COBLL1: variants seen among roughly 807,000 people sequenced by gnomAD.
COBLL1 encodes cordon-bleu WH2 repeat protein like 1.
A neutral mutation model predicts 94.8 loss-of-function variants in COBLL1; 50 were observed. That is an observed-to-expected ratio of 0.53 (90% CI 0.42 to 0.67). COBLL1 has a LOEUF of 0.67. Among genes scored for constraint, COBLL1 ranks in the 30% least tolerant of loss-of-function variants. COBLL1 has a pLI of 0.00. For synonymous variants in COBLL1, 448 were observed against 473.8 expected (o/e 0.95, Z 0.71); for missense variants, 1,362 against 1,348.7 (o/e 1.01, Z -0.15).
intron 13 of COBLL1, among the ~76,000 whole-genome samples, chr2:164,690,927 ATCC>A (rs1477040342): frequency 6.6e-6 from 1 of 152,198 alleles, no homozygotes; most frequent in African/African-American, 2.4e-5. Flanking sequence ...AAGGGCATTT[ATCC>A]TCCTCTAAAA....
chr2:164,722,323 T>G lies in COBLL1; in HGVS notation c.760-12A>C. On this transcript the variant is annotated splice_polypyrimidine_tract_variant and intron_variant, in intron 6 of 13. Transcript: ENST00000652658. ...GGGGCACTTGCAGTCTAGTAAAGAA[T>G]GACAAAGACAAAATCTAGTAATTTC... 2 of 1,600,498 alleles carry G rather than the reference T, an allele frequency of 1.2e-6. No individual in the cohort carries two copies. Among genetic ancestry groups the G allele is most frequent in the South Asian group, 1.1e-5 (1 of 89,648 alleles).
chr2:164,816,268 C>T (rs1684739924), intron 2 of COBLL1, among the ~76,000 whole-genome samples: 1 of 151,952 alleles, frequency 6.6e-6, no homozygotes, highest in Non-Finnish European at 1.5e-5. Flanking sequence ...CAGGCAAAGG[C>T]AAGGAGGTGT....
chr2:164,735,175 C>T (rs990213422), intron 3 of COBLL1, among the ~76,000 whole-genome samples: 6 of 152,108 alleles, frequency 3.9e-5, no homozygotes, highest in South Asian at 2.1e-4. Flanking sequence ...TCGCTGTTGT[C>T]GAATGGGGAA....
chr2:164,779,375 C>T (rs1485877674), intron 2 of COBLL1, among the ~76,000 whole-genome samples: 1 of 152,074 alleles, frequency 6.6e-6, no homozygotes, highest in African/African-American at 2.4e-5. Context: ...GGAATCTGGG[C>T]TATCCCAGTC....
intron 7 of COBLL1, among the ~76,000 whole-genome samples, chr2:164,717,312 T>C (rs1027608185): frequency 6.6e-6 from 1 of 152,248 alleles, no homozygotes; most frequent in African/African-American, 2.4e-5. Context: ...TTCCAAGTTA[T>C]GTTTTCCTCA....
intron 2 of COBLL1, among the ~76,000 whole-genome samples, chr2:164,775,522 G>A (rs1050626305): frequency 6.6e-5 from 10 of 152,126 alleles, no homozygotes; most frequent in African/African-American, 2.4e-4. Context: ...GAGTGCAGTG[G>A]TGTGACTTTG....
chr2:164,702,301 C>T (rs548217672), intron 9 of COBLL1, among the ~76,000 whole-genome samples: 8 of 151,854 alleles, frequency 5.3e-5, no homozygotes, highest in South Asian at 2.1e-4. Flanking sequence ...TGGTGGCTCA[C>T]GCCTGTAATC....
chr2:164,745,262 C>T (rs1367445020), intron 2 of COBLL1, among the ~76,000 whole-genome samples: 2 of 152,116 alleles, frequency 1.3e-5, no homozygotes, highest in Non-Finnish European at 2.9e-5. Flanking sequence ...CATTCATTTA[C>T]TAAAATAACA....
chr2:164,791,582 C>A (rs189280741), intron 2 of COBLL1, among the ~76,000 whole-genome samples: 2 of 152,158 alleles, frequency 1.3e-5, no homozygotes, highest in Non-Finnish European at 2.9e-5. Context: ...TGTCTTCCTG[C>A]GTGCCTGCCT....
At chr2:164,738,208 A>C (rs1387853671) in intron 3 of COBLL1, 2 of 152,180 alleles carry the variant, frequency 1.3e-5, no homozygotes, top group Non-Finnish European at 2.9e-5. Flanking sequence ...ATGCCATTGA[A>C]TGCTCTCTCA....
intron 2 of COBLL1, among the ~76,000 whole-genome samples, chr2:164,757,788 G>A (rs1270611044): frequency 2.6e-5 from 4 of 151,474 alleles, no homozygotes; most frequent in African/African-American, 9.7e-5. Context: ...CTCCAGCCTG[G>A]GTGACAGTGA....
At chr2:164,776,067 C>T (rs1363447619) in intron 2 of COBLL1, among the ~76,000 whole-genome samples, 1 of 151,874 alleles carries the variant, frequency 6.6e-6, no homozygotes, top group Non-Finnish European at 1.5e-5. Flanking sequence ...TAATGTACTT[C>T]GTCTCCACTT....
chr2:164,767,956 A>T (rs1178529789), intron 2 of COBLL1, among the ~76,000 whole-genome samples: 1 of 152,186 alleles, frequency 6.6e-6, no homozygotes, highest in Non-Finnish European at 1.5e-5. Flanking sequence ...AAATTACCCT[A>T]CTGGTCCTAG....
intron 2 of COBLL1, among the ~76,000 whole-genome samples, chr2:164,775,033 A>G (rs1048838585): frequency 3.9e-5 from 6 of 152,168 alleles, no homozygotes; most frequent in African/African-American, 1.4e-4. Flanking sequence ...ACGGCAGTAC[A>G]TGCTGTAGTT....
At chr2:164,734,964 G>A (rs545060488) in intron 3 of COBLL1, among the ~76,000 whole-genome samples, 1 of 152,166 alleles carries the variant, frequency 6.6e-6, no homozygotes, top group African/African-American at 2.4e-5. Context: ...CCCCAAGAAC[G>A]TAAAACTCTT....
At chr2:164,770,572 C>T (rs942980036) in intron 2 of COBLL1, among the ~76,000 whole-genome samples, 1 of 152,048 alleles carries the variant, frequency 6.6e-6, no homozygotes, top group African/African-American at 2.4e-5. Flanking sequence ...ATTCCTGGCC[C>T]GCCCAACTAC....
At chr2:164,658,061 T>A (rs1438532364) in intron 2 of COBLL1, among the ~76,000 whole-genome samples, 2 of 152,072 alleles carry the variant, frequency 1.3e-5, no homozygotes, top group Non-Finnish European at 2.9e-5. Context: ...AGGCAACAGG[T>A]GATTGGCTAT....
rs1415185840 is a variant in COBLL1, at chr2:164,705,078, C to T, written c.1024G>A (p.Ala342Thr). 1 of 1,560,206 alleles carries T rather than the reference C, an allele frequency of 6.4e-7. No individual in the cohort carries two copies. Among genetic ancestry groups the T allele is most frequent in the Non-Finnish European group, 8.6e-7 (1 of 1,156,072 alleles). Residue 342 changes from alanine to threonine, a missense_variant, in exon 8 of 14, where the codon GCA becomes ACA. Ala to Thr is a moderately conservative substitution (Grantham distance 58). Transcript: ENST00000652658. ...KSPCEAGRVR[A>T]GSLQLSSMSA... is the part of the protein sequence containing the mutation. ...ATGCTGCTGAGCTGCAGTGAACCTG[C>T]CCTCACTCTTCCTGCTTCACAGGGA...
chr2:164,788,912 G>A (rs1683020423), intron 2 of COBLL1, among the ~76,000 whole-genome samples: 1 of 151,914 alleles, frequency 6.6e-6, no homozygotes, highest in African/African-American at 2.4e-5. Context: ...GGGTTAGTTG[G>A]AAAGGTAGGA....
Sources: allele counts gnomAD v4.1 joint callset (sites outside exome capture counted in the v4.1 genomes callset), GRCh38; gene constraint gnomAD v4.1.1; transcripts MANE v1.5; gene names NCBI Gene and HGNC (gene_info 2026-07-23, HGNC 2026-07-21).